Variants in FASN observed in about 807,000 individuals in gnomAD.
The protein encoded by FASN is 3-hydroxyacyl-[acyl-carrier-protein] dehydratase.
FASN carries 50 observed loss-of-function variants against 250.0 expected under a neutral mutation model. The observed-to-expected ratio is 0.20, with a 90% CI of 0.16 to 0.25. The LOEUF is 0.25. Ranked by LOEUF, FASN falls within the 10% of genes least tolerant of loss-of-function variation. FASN has a pLI of 1.00. For synonymous variants in FASN, 1,909 were observed against 1,584.0 expected, an observed-to-expected ratio of 1.21 and a Z score of -4.87; for missense variants, 3,031 against 3,498.5, an observed-to-expected ratio of 0.87 and a Z score of 3.37.
chr17:82,084,705 C>T lies in FASN; in HGVS notation c.4576G>A (p.Glu1526Lys), dbSNP rs763697243. 17 of 1,564,092 alleles carry T rather than the reference C, an allele frequency of 1.1e-5. No individual in the cohort carries two copies. The South Asian group carries it at 1.4e-4, about 13-fold the overall frequency. Residue 1526 changes from glutamate to lysine, a missense_variant, in exon 27 of 43, where the codon GAG becomes AAG. Transcript: ENST00000306749. The stretch of plus-strand genomic sequence containing the variant: ...CTCACAAAGGCATGTGCCGTCGGCT[C>T]CTCAGGCTTGTCTAGGGAAACAGGG... ...HFLLEEDKPE[E>K]PTAHAFVSTL...
chr17:82,086,617 TG>T, intron 21 of FASN, 59 bp from the exon 22 acceptor site: 1 of 1,331,946 alleles, frequency 7.5e-7, no homozygotes, highest in Non-Finnish European at 1.1e-6. Flanking sequence ...CTGCCTGGCA[TG>T]GGCTCTCAGA....
chr17:82,085,174 G>C lies in FASN; in HGVS notation c.4288-18C>G, dbSNP rs767621996. On this transcript the variant is annotated intron_variant, in intron 24 of 42. Coordinates refer to ENST00000306749, the MANE Select transcript of FASN (RefSeq NM_004104.5). ...AGGATGCCCTACAGCGGGTCGGGGA[G>C]GGTCAGGCCACACTCGGCAAGTTGG... 1.2e-6 allele frequency: 2 copies of C among 1,612,558 alleles called. No individual in the cohort carries two copies. The highest frequency in any genetic ancestry group is 1.7e-4 in the Middle Eastern group (1 of 6,060).
rs772966944 is a variant in FASN at position 82,084,502 on chromosome 17, G to A, written c.4768+11C>T. The A allele has an allele frequency of 6.9e-6, 11 of 1,604,180 alleles. No individual in the cohort carries two copies. In the Admixed American group the frequency reaches 1.7e-4, roughly 25 times the overall value. On this transcript the variant is annotated intron_variant, in intron 27 of 42. Transcript: ENST00000306749. ...GCCCAGTCCACTCCCACGGCCCCATGCCACCCATACCTGGGATGGCATCAG... is the reference window on the plus strand; with the variant it reads ...GCCCAGTCCACTCCCACGGCCCCATACCACCCATACCTGGGATGGCATCAG...
intron 3 of FASN, 83 bp from the exon 4 acceptor site, chr17:82,093,854 G>A (rs2034259299): frequency 1.4e-6 from 2 of 1,435,194 alleles, no homozygotes; most frequent in East Asian, 2.5e-5. Flanking sequence ...TGGGGCGAAG[G>A]TCCCATCTTG....
chr17:82,085,438 C>A (rs2034077835), intron 23 of FASN, 36 bp from the exon 24 acceptor site: 3 of 1,597,922 alleles, frequency 1.9e-6, no homozygotes, highest in Non-Finnish European at 2.6e-6. Flanking sequence ...GCCCGCCTGG[C>A]CCTCACCCGG....
rs769071890 is a variant in FASN at position 82,089,059 on chromosome 17, G to A, written c.2214C>T (p.Asn738=). 12 of 1,600,232 alleles carry A rather than the reference G, an allele frequency of 7.5e-6. No homozygotes were observed. The highest frequency in any genetic ancestry group is 5.6e-5 in the South Asian group (5 of 89,118). The part of the protein sequence containing the change: ...RTSSAEYNVN[N]LVSPVLFQEA... ...CCTGGAACAGCACAGGGCTCACCAG[G>A]TTGTTGACATTGTACTCGGCGGAGG... Residue 738 remains asparagine, a synonymous_variant, in exon 14 of 43, where the codon AAC becomes AAT. Coordinates refer to ENST00000306749, the MANE Select transcript of FASN (RefSeq NM_004104.5).
At chr17:82,089,591 G>C in intron 12 of FASN, 41 bp downstream of exon 12, 1 of 1,560,072 alleles carries the variant, frequency 6.4e-7, no homozygotes, top group East Asian at 2.4e-5. Context: ...GCAATGGCAG[G>C]CGCAGGGGAC....
At chr17:82,080,107 G>A (rs759570023) in intron 41 of FASN, 33 bp downstream of exon 41, 10 of 1,597,908 alleles carry the variant, frequency 6.3e-6, no homozygotes, top group Non-Finnish European at 8.6e-6. Flanking sequence ...CAGTACTCTG[G>A]GTCCTGCGGC....
rs559481797 is a variant in FASN, at chr17:82,085,878, G to T, written c.3733-7C>A. The T allele has an allele frequency of 9.8e-6, 15 of 1,528,860 alleles. No individual in the cohort carries two copies. Among genetic ancestry groups the T allele is most frequent in the Non-Finnish European group, 1.1e-5 (12 of 1,141,784 alleles). 94.7% of individuals were successfully genotyped at this position (1,528,860 alleles called of 1,614,324 possible). ...GACCGTGGCCAGCCAGCACCTGTAG[G>T]GGGTGAATTCTGGAATCAGCCCCAC... is the stretch of plus-strand genomic sequence containing the variant. On this transcript the variant is annotated splice_region_variant and splice_polypyrimidine_tract_variant and intron_variant, in intron 22 of 42. Coordinates refer to ENST00000306749, the MANE Select transcript of FASN (RefSeq NM_004104.5).
Position 82,087,039 on chromosome 17 carries a change from T to C in FASN, c.3427+11A>G, listed in dbSNP as rs1224686166. On this transcript the variant is annotated intron_variant, in intron 21 of 42. Coordinates refer to ENST00000306749, the MANE Select transcript of FASN (RefSeq NM_004104.5). Reference sequence around the variant, plus strand: ...CAGAGGTGTCCGAAGCCAGCAGGGCTGGGACCTCACCCTTGCACAGTTGCA... The same window carrying C: ...CAGAGGTGTCCGAAGCCAGCAGGGCCGGGACCTCACCCTTGCACAGTTGCA... The C allele has an allele frequency of 6.2e-7, 1 of 1,610,648 alleles. No individual in the cohort carries two copies. The highest frequency in any genetic ancestry group is 1.1e-5 in the South Asian group (1 of 90,904).
chr17:82,080,358 C>A lies in FASN; in HGVS notation c.7047+12G>T, dbSNP rs1168717759. On this transcript the variant is annotated intron_variant, in intron 40 of 42. Transcript: ENST00000306749. The stretch of plus-strand genomic sequence containing the variant: ...GTTTGCCGTAGGCCTCTAGGACCAG[C>A]CTGGCTCTCACCTGGGTGTAGGCCA... 1 of 1,604,572 alleles carries A rather than the reference C, an allele frequency of 6.2e-7. No individual in the cohort carries two copies. Among genetic ancestry groups the A allele is most frequent in the Non-Finnish European group, 8.5e-7 (1 of 1,176,182 alleles).
rs762619741 is a variant in FASN, at chr17:82,085,536, G to A, written c.4068C>T (p.Ile1356=). ...GCTCAGTGGAGGTGAGGAAGGCCACGATGTCCCCGAGGGGGTGCCCCCGGA... is the reference window on the plus strand; with the variant it reads ...GCTCAGTGGAGGTGAGGAAGGCCACAATGTCCCCGAGGGGGTGCCCCCGGA... ...TLLRGHPLGD[I]VAFLTSTEPQ... Residue 1356 remains isoleucine, a synonymous_variant, in exon 23 of 43, where the codon ATC becomes ATT. Coordinates refer to ENST00000306749, the MANE Select transcript of FASN (RefSeq NM_004104.5). 8.1e-6 allele frequency: 13 copies of A among 1,595,986 alleles called. No individual in the cohort carries two copies. Among genetic ancestry groups the A allele is most frequent in the South Asian group, 1.1e-5 (1 of 88,550 alleles).
intron 41 of FASN, 101 bp from the exon 42 acceptor site, chr17:82,079,709 T>A: frequency 6.9e-7 from 1 of 1,459,254 alleles, no homozygotes; most frequent in Non-Finnish European, 9.1e-7. Flanking sequence ...ACGAGTTTCA[T>A]TTTTGTTACC....
intron 11 of FASN, 150 bp from the exon 12 acceptor site, chr17:82,089,876 C>T: frequency 4.1e-6 from 3 of 739,830 alleles, no homozygotes; most frequent in Non-Finnish European, 7.0e-6. Flanking sequence ...TCGCCCCCTG[C>T]TGTGTTTGAC....
rs1268894839 is a variant in FASN at position 82,079,038 on chromosome 17, C to G, written c.*105G>C. 2 of 1,284,428 alleles carry G rather than the reference C, an allele frequency of 1.6e-6. No homozygotes were observed. The highest frequency in any genetic ancestry group is 1.1e-6 in the Non-Finnish European group (1 of 945,960). The allele number at this position is 1,284,428 out of a possible 1,614,324, so 79.6% of individuals were successfully genotyped here. A position where few individuals can be genotyped will look rare whatever the true frequency, so the allele number is the denominator to read the frequency against. On this transcript the variant is annotated 3_prime_UTR_variant, in exon 43 of 43. Coordinates refer to ENST00000306749, the MANE Select transcript of FASN (RefSeq NM_004104.5). ...CGGGGGGCAGTGGCACTGGGCCGGA[C>G]AGGGTCCCACCGGCAGGACCCTTCA...
At position 82,089,129 on chromosome 17, in the gene FASN, G is replaced by A; in HGVS notation, c.2144C>T (p.Thr715Ile). Residue 715 changes from threonine (T) to isoleucine (I), a missense_variant, in exon 14 of 43, where the codon ACC (threonine) becomes ATC (isoleucine). Transcript: ENST00000306749. Reference protein sequence around the residue: ...PKPRSARWLSTSIPEAQWHSS... With the variant: ...PKPRSARWLSISIPEAQWHSS... ...GTGCCACTGGGCCTCGGGGATAGAG[G>A]TGCTGAGCCAGCGGGCTGAACGTGG... The A allele has an allele frequency of 1.3e-6, 2 of 1,567,562 alleles. No homozygotes were observed. Among genetic ancestry groups the A allele is most frequent in the Non-Finnish European group, 1.7e-6 (2 of 1,156,548 alleles).
chr17:82,082,418 G>A lies in FASN; in HGVS notation c.5920-4C>T. 6.2e-7 allele frequency: 1 copy of A among 1,612,676 alleles called. No individual in the cohort carries two copies. Among genetic ancestry groups the A allele is most frequent in the African/African-American group, 1.3e-5 (1 of 75,048 alleles). On this transcript the variant is annotated splice_region_variant and splice_polypyrimidine_tract_variant and intron_variant, in intron 34 of 42. Coordinates refer to ENST00000306749, the MANE Select transcript of FASN (RefSeq NM_004104.5). ...CCAGCAAGCCATCTCTCAAGACCTG[G>A]GGGAGGCATCCTCAGCACTCCCTGC...
chr17:82,079,695 T>G, intron 41 of FASN, 87 bp from the exon 42 acceptor site: 3 of 1,466,532 alleles, frequency 2.0e-6, no homozygotes, highest in Middle Eastern at 2.0e-4. Context: ...TTTTTTTTTT[T>G]GAGACGAGTT....
At position 82,081,771 on chromosome 17, in the gene FASN, A is replaced by G; in HGVS notation, c.6236T>C (p.Ile2079Thr). The change falls in exon 37 of 43, where the codon ATC becomes ACC. Residue 2079 changes from isoleucine (I) to threonine (T), a missense_variant. Coordinates refer to ENST00000306749, the MANE Select transcript of FASN (RefSeq NM_004104.5). ...LVETMSTNDTIVSGTLPQRMA... is the reference protein window; with the variant it reads ...LVETMSTNDTTVSGTLPQRMA... ...GCGCTGGGGCAGCGTGCCACTGACG[A>G]TCGTGTCGTTGGTGCTCATCGTCTC... is the stretch of plus-strand genomic sequence containing the variant. 2 of 1,612,596 alleles carry G rather than the reference A, an allele frequency of 1.2e-6. No homozygotes were observed. Among genetic ancestry groups the G allele is most frequent in the Non-Finnish European group, 1.7e-6 (2 of 1,179,996 alleles).
Sources: gnomAD v4.1 joint callset for allele counts on GRCh38, gnomAD v4.1.1 for gene constraint, MANE v1.5 for transcripts, NCBI Gene and HGNC (gene_info 2026-07-23, HGNC 2026-07-21) for gene names.